The following GMDS variants were observed in gnomAD, a reference collection of about 807,000 sequenced individuals.
GMDS encodes the protein GDP-mannose 4,6 dehydratase.
Under a neutral mutation model 49.9 loss-of-function variants are expected in GMDS, and 20 were observed. The observed-to-expected ratio is 0.40, with a 90% CI of 0.28 to 0.58. GMDS has a LOEUF of 0.58. GMDS is among the 20% of genes least tolerant of loss of function. The pLI, the probability that GMDS is intolerant of heterozygous loss-of-function variation, is 0.42. For synonymous variants in GMDS, 177 were observed against 178.6 expected, an observed-to-expected ratio of 0.99 and a Z score of 0.07; for missense variants, 362 against 481.4, an observed-to-expected ratio of 0.75 and a Z score of 2.32.
chr6:1,690,658 T>A (rs1765138353), intron 9 of GMDS, among the ~76,000 whole-genome samples: 1 of 151,940 alleles, frequency 6.6e-6, no homozygotes. Context: ...TAAACAAATT[T>A]ACAAGAAAAA....
intron 4 of GMDS, among the ~76,000 whole-genome samples, chr6:1,979,090 A>G (rs889891951): frequency 1.3e-5 from 2 of 152,126 alleles, no homozygotes; most frequent in African/African-American, 2.4e-5. Context: ...CAAAGATGAG[A>G]AAAAAAATCA....
rs569829346 is a variant in GMDS at position 2,093,612 on chromosome 6, T to C, written c.345+22159A>G. Among the ~76,000 whole-genome samples, 7 of 152,286 alleles carry C rather than the reference T, an allele frequency of 4.6e-5. No individual in the cohort carries two copies. In the East Asian group the frequency reaches 1.4e-3, roughly 29 times the overall value. ...GTTAAAAATCATTATTCTGCATTAT[T>C]CTTCAAGGTGAAAGACTCATACAAT... On this transcript the variant is annotated intron_variant, in intron 4 of 10. Coordinates refer to ENST00000380815, the MANE Select transcript of GMDS (RefSeq NM_001500.4).
At chr6:2,222,251 C>A (rs1174390639) in intron 1 of GMDS, among the ~76,000 whole-genome samples, 4 of 152,182 alleles carry the variant, frequency 2.6e-5, no homozygotes, top group Non-Finnish European at 5.9e-5. Context: ...TTACTCCGAT[C>A]CTGTCAATCT....
chr6:1,983,249 A>T (rs1765325684), intron 4 of GMDS, among the ~76,000 whole-genome samples: 1 of 152,194 alleles, frequency 6.6e-6, no homozygotes. Context: ...TAAAGACTTA[A>T]ATGTAAAACC....
chr6:1,715,594 T>C (rs1766146115), intron 9 of GMDS, among the ~76,000 whole-genome samples: 1 of 152,192 alleles, frequency 6.6e-6, no homozygotes, highest in South Asian at 2.1e-4. Context: ...GTCTTGTAAC[T>C]AATATTGCAT....
chr6:1,644,823 C>T (rs919375037), intron 9 of GMDS, among the ~76,000 whole-genome samples: 1 of 152,174 alleles, frequency 6.6e-6, no homozygotes, highest in Non-Finnish European at 1.5e-5. Flanking sequence ...AGGGCCTGGC[C>T]AGCACCTACA....
At chr6:1,712,438 CTGAAG>C (rs1766006398) in intron 9 of GMDS, among the ~76,000 whole-genome samples, 1 of 152,208 alleles carries the variant, frequency 6.6e-6, no homozygotes, top group Non-Finnish European at 1.5e-5. Context: ...ATTATTTTGA[CTGAAG>C]TGTTTTTTCT....
chr6:1,774,701 T>C (rs917130902), intron 7 of GMDS, among the ~76,000 whole-genome samples: 1 of 147,796 alleles, frequency 6.8e-6, no homozygotes, highest in Non-Finnish European at 1.5e-5. Context: ...CTAACTCATG[T>C]TGGGGTGGAA....
At chr6:2,220,287 T>C (rs566917245) in intron 1 of GMDS, among the ~76,000 whole-genome samples, 44 of 152,316 alleles carry the variant, frequency 2.9e-4, no homozygotes, top group African/African-American at 9.9e-4. Flanking sequence ...AACCTTTTAG[T>C]CAACACAAGG....
At chr6:2,169,055 AT>A (rs771507319) in intron 1 of GMDS, among the ~76,000 whole-genome samples, 8 of 152,216 alleles carry the variant, frequency 5.3e-5, no homozygotes, top group Non-Finnish European at 1.2e-4. Context: ...TGTAGACTTT[AT>A]TTTAGACTCC....
intron 7 of GMDS, among the ~76,000 whole-genome samples, chr6:1,913,075 G>A (rs1761152306): frequency 6.6e-6 from 1 of 151,986 alleles, no homozygotes; most frequent in Admixed American, 6.5e-5. Context: ...ATTAATAACT[G>A]ACCCTTTAAG....
At chr6:1,912,680 G>GA (rs1457145839) in intron 7 of GMDS, among the ~76,000 whole-genome samples, 2 of 152,022 alleles carry the variant, frequency 1.3e-5, no homozygotes, top group African/African-American at 4.8e-5. Context: ...CAGAAAAAGA[G>GA]AAAAAATGAA....
chr6:1,765,887 G>A (rs2113564695), intron 7 of GMDS, among the ~76,000 whole-genome samples: 1 of 152,234 alleles, frequency 6.6e-6, no homozygotes, highest in South Asian at 2.1e-4. Flanking sequence ...GCCTTGAGAA[G>A]GCCCTTGCGA....
chr6:1,795,259 T>C (rs1309546428), intron 7 of GMDS, among the ~76,000 whole-genome samples: 2 of 152,214 alleles, frequency 1.3e-5, no homozygotes, highest in South Asian at 2.1e-4. Context: ...CATAGACTTC[T>C]ACATGCTACC....
At chr6:1,831,115 T>C (rs1756622227) in intron 7 of GMDS, among the ~76,000 whole-genome samples, 1 of 152,250 alleles carries the variant, frequency 6.6e-6, no homozygotes, top group Non-Finnish European at 1.5e-5. Flanking sequence ...TGTTTCCTGA[T>C]TGGCTACAAA....
intron 4 of GMDS, among the ~76,000 whole-genome samples, chr6:2,054,487 A>G (rs1770665468): frequency 6.6e-6 from 1 of 152,048 alleles, no homozygotes; most frequent in Non-Finnish European, 1.5e-5. Context: ...CCAATAGAAA[A>G]CCCATTGTCT....
intron 7 of GMDS, among the ~76,000 whole-genome samples, chr6:1,923,311 C>T (rs1223725746): frequency 6.6e-6 from 1 of 152,226 alleles, no homozygotes; most frequent in Non-Finnish European, 1.5e-5. Context: ...AGCTGTCACA[C>T]TGGCCCTTTG....
intron 7 of GMDS, among the ~76,000 whole-genome samples, chr6:1,761,224 GT>G (rs1251862428): frequency 5.3e-5 from 8 of 152,102 alleles, no homozygotes; most frequent in Admixed American, 5.2e-4. Context: ...GATCAAGGGA[GT>G]TTTTAAAAAA....
At chr6:1,930,002 G>C (rs1465653950) in intron 7 of GMDS, 101 bp downstream of exon 7, 9 of 1,058,898 alleles carry the variant, frequency 8.5e-6, no homozygotes, top group Middle Eastern at 2.1e-4. Flanking sequence ...GCAAAGGTTT[G>C]TATGCCCCCA....
Sources: allele counts gnomAD v4.1 joint callset (sites outside exome capture counted in the v4.1 genomes callset), GRCh38; gene constraint gnomAD v4.1.1; transcripts MANE v1.5; gene names NCBI Gene and HGNC (gene_info 2026-07-23, HGNC 2026-07-21).